Variants in CACNG4 observed in about 807,000 individuals in gnomAD.
CACNG4 encodes voltage-dependent calcium channel gamma-4 subunit.
In CACNG4, 8 loss-of-function variants were observed where a neutral mutation model predicts 22.9. The observed-to-expected ratio is 0.35, with a 90% confidence interval of 0.21 to 0.63. The LOEUF is 0.63. Ranked by LOEUF, CACNG4 falls within the 30% of genes least tolerant of loss-of-function variation. CACNG4 has a pLI of 0.72. For missense variants in CACNG4, 357 were observed against 455.4 expected (o/e 0.78, Z 1.97); for synonymous variants, 188 against 191.9 (o/e 0.98, Z 0.17).
At chr17:66,976,189 T>A (rs1401156533) in intron 1 of CACNG4, among the ~76,000 whole-genome samples, 1 of 151,924 alleles carries the variant, frequency 6.6e-6, no homozygotes, top group African/African-American at 2.4e-5. Context: ...AGGATTGGAG[T>A]CAGGGGACCT....
intron 1 of CACNG4, among the ~76,000 whole-genome samples, chr17:66,981,243 A>G (rs2035270662): frequency 6.6e-6 from 1 of 152,226 alleles, no homozygotes; most frequent in South Asian, 2.1e-4. Flanking sequence ...GATCAAGTCC[A>G]GCATCCTCCA....
At chr17:66,965,212 GCACACACA>G in intron 1 of CACNG4, 81 bp downstream of exon 1, 1 of 639,036 alleles carries the variant, frequency 1.6e-6, no homozygotes, top group Non-Finnish European at 2.3e-6. Context: ...GCGCGCGCGC[GCACACACA>G]CACACGCGCA....
At position 67,031,110 on chromosome 17, in the gene CACNG4, A is replaced by G. The variant is rs946789296; in HGVS notation, c.*106A>G. On this transcript the variant is annotated 3_prime_UTR_variant, in exon 4 of 4. Coordinates refer to ENST00000262138, the MANE Select transcript of CACNG4 (RefSeq NM_014405.4). This position sits in a 1 kb window ranked among gnomAD's most constrained non-coding sequence, Gnocchi z 4.0. ...ACGACGAACAATGAACTAAAGCCAA[A>G]TGCAGCCCTCCCTGGCCTCCAGAGG... The G allele has an allele frequency of 1.6e-6, 2 of 1,254,400 alleles. No homozygotes were observed. The highest frequency in any genetic ancestry group is 4.2e-5 in the Admixed American group (2 of 47,312). The allele number at this position is 1,254,400 out of a possible 1,614,324, so 77.7% of individuals were successfully genotyped here. A position where few individuals can be genotyped will look rare whatever the true frequency, so the allele number is the denominator to read the frequency against.
At chr17:66,993,563 G>T (rs972034388) in intron 1 of CACNG4, among the ~76,000 whole-genome samples, 2 of 152,160 alleles carry the variant, frequency 1.3e-5, no homozygotes, top group African/African-American at 4.8e-5. Flanking sequence ...ACACAAGGGG[G>T]CTCACCCAGG....
intron 3 of CACNG4, among the ~76,000 whole-genome samples, chr17:67,026,437 T>C (rs1344234441): frequency 2.0e-5 from 3 of 149,120 alleles, no homozygotes; most frequent in African/African-American, 7.5e-5. Flanking sequence ...GTGTGTGTAT[T>C]TGAGGAATGT....
intron 1 of CACNG4, among the ~76,000 whole-genome samples, chr17:66,978,325 A>G (rs970636759): frequency 2.0e-5 from 3 of 150,624 alleles, no homozygotes; most frequent in Non-Finnish European, 4.4e-5. Flanking sequence ...CTGGCATAAC[A>G]TGTGTTCAAT....
intron 2 of CACNG4, chr17:67,019,873 G>A (rs908854491): frequency 6.6e-6 from 1 of 152,246 alleles, no homozygotes; most frequent in Non-Finnish European, 1.5e-5. Flanking sequence ...GAAGCCCAGA[G>A]GTCACCCCAC....
chr17:66,995,565 A>T (rs181621301), intron 1 of CACNG4, among the ~76,000 whole-genome samples: 224 of 152,166 alleles, frequency 1.5e-3, no homozygotes, highest in Middle Eastern at 3.4e-3. Flanking sequence ...TAAAAATGGG[A>T]TCTAGGCCGG....
chr17:67,001,710 G>A (rs916280875), intron 1 of CACNG4, among the ~76,000 whole-genome samples: 2 of 152,240 alleles, frequency 1.3e-5, no homozygotes, highest in African/African-American at 4.8e-5. Context: ...AGACGACCAA[G>A]TCTGCAGCTG....
intron 1 of CACNG4, 62 bp from the exon 2 acceptor site, chr17:67,018,127 A>G: frequency 8.1e-7 from 1 of 1,236,140 alleles, no homozygotes; most frequent in Non-Finnish European, 1.2e-6. Context: ...CCGTGTCTGG[A>G]GTGAACGGAT....
intron 1 of CACNG4, among the ~76,000 whole-genome samples, chr17:67,005,176 C>T (rs1050446991): frequency 6.6e-6 from 1 of 152,190 alleles, no homozygotes; most frequent in Non-Finnish European, 1.5e-5. Context: ...CCCAAAAGTC[C>T]CTTAGTCCAT....
intron 1 of CACNG4, among the ~76,000 whole-genome samples, chr17:66,993,754 C>T (rs1371300667): frequency 4.6e-5 from 7 of 152,232 alleles, no homozygotes; most frequent in East Asian, 1.9e-4. Context: ...TACAGGCACC[C>T]GCCACCATGC....
intron 1 of CACNG4, among the ~76,000 whole-genome samples, chr17:66,982,149 T>C (rs776314606): frequency 2.0e-5 from 3 of 151,918 alleles, no homozygotes; most frequent in Non-Finnish European, 4.4e-5. Flanking sequence ...CTGTGAAGAG[T>C]GAAAGAACAA....
intron 1 of CACNG4, among the ~76,000 whole-genome samples, chr17:66,983,638 T>G (rs1045979547): frequency 1.3e-5 from 2 of 152,200 alleles, no homozygotes; most frequent in Admixed American, 1.3e-4. Flanking sequence ...GCTGTCAGAC[T>G]GAGGGCGGCT....
intron 2 of CACNG4, among the ~76,000 whole-genome samples, chr17:67,018,684 C>T (rs539093380): frequency 6.6e-6 from 1 of 152,280 alleles, no homozygotes; most frequent in African/African-American, 2.4e-5. Flanking sequence ...GGGGCCTCCC[C>T]ACCCTCTCCT....
intron 1 of CACNG4, among the ~76,000 whole-genome samples, chr17:66,993,674 C>T (rs1232516053): frequency 2.0e-5 from 3 of 152,180 alleles, no homozygotes; most frequent in East Asian, 1.9e-4. Flanking sequence ...GGCGCGATCT[C>T]GGCTCATTGC....
At position 67,018,211 on chromosome 17, in the gene CACNG4, C is replaced by T; in HGVS notation, c.243C>T (p.Phe81=). Residue 81 remains phenylalanine (F), a synonymous_variant, in exon 2 of 4, where the codon TTC becomes TTT. Transcript: ENST00000262138. ...CIEGIYKGHC[F]RINHFPEDND... is the part of the protein sequence containing the mutation. ...CAGGGATCTATAAAGGGCACTGCTTCCGGATCAATCACTTCCCAGAGGACA... is the reference window on the plus strand; with the variant it reads ...CAGGGATCTATAAAGGGCACTGCTTTCGGATCAATCACTTCCCAGAGGACA... 6.2e-7 allele frequency: 1 copy of T among 1,614,086 alleles called. No homozygotes were observed. The highest frequency in any genetic ancestry group is 1.1e-5 in the South Asian group (1 of 91,074).
At chr17:67,002,130 A>C (rs557531359) in intron 1 of CACNG4, among the ~76,000 whole-genome samples, 1 of 152,368 alleles carries the variant, frequency 6.6e-6, no homozygotes, top group Non-Finnish European at 1.5e-5. Flanking sequence ...ATGGACTCAC[A>C]GTTCCACGTG....
chr17:67,002,848 A>G (rs999969547), intron 1 of CACNG4, among the ~76,000 whole-genome samples: 2 of 152,172 alleles, frequency 1.3e-5, no homozygotes, highest in African/African-American at 4.8e-5. Context: ...TAATGAGTAA[A>G]TGGAAAGAGC....
Sources: gnomAD v4.1 joint callset for allele counts (sites outside exome capture counted in the v4.1 genomes callset) on GRCh38, gnomAD v4.1.1 for gene constraint, Gnocchi (gnomAD v3.1) non-coding constraint, MANE v1.5 for transcripts, NCBI Gene and HGNC (gene_info 2026-07-23, HGNC 2026-07-21) for gene names.